The following KIF20B variants were observed in gnomAD, a reference collection of about 807,000 sequenced individuals.
KIF20B encodes kinesin family member 20B.
In KIF20B, 188 loss-of-function variants were observed where a neutral mutation model predicts 232.5. The observed-to-expected ratio is 0.81, with a 90% CI of 0.72 to 0.91. The LOEUF (loss-of-function observed/expected upper bound fraction) is 0.91. Ranked by LOEUF, KIF20B falls within the 40% of genes least tolerant of loss-of-function variation. KIF20B has a pLI of 0.00. For synonymous variants in KIF20B, 712 were observed against 683.0 expected (o/e 1.04, Z -0.66); for missense variants, 2,154 against 2,055.9 (o/e 1.05, Z -0.92).
At chr10:89,759,868 T>C (rs1383394291) in intron 27 of KIF20B, among the ~76,000 whole-genome samples, 1 of 152,156 alleles carries the variant, frequency 6.6e-6, no homozygotes, top group Non-Finnish European at 1.5e-5. Context: ...TACTTGACTT[T>C]TGATTTTGAT....
At chr10:89,738,868 A>AT (rs1841730149) in intron 20 of KIF20B, 90 bp from the exon 21 acceptor site, 19 of 1,402,314 alleles carry the variant, frequency 1.4e-5, no homozygotes, top group South Asian at 5.7e-5. Context: ...GTGAAAAGAT[A>AT]TAATTTTGTA....
At chr10:89,737,239 C>G (rs1037952775) in intron 19 of KIF20B, 148 bp from the exon 20 acceptor site, 7 of 897,416 alleles carry the variant, frequency 7.8e-6, no homozygotes, top group Admixed American at 4.1e-5. Flanking sequence ...CCTGTTTTTT[C>G]TTTTTTTCTC....
chr10:89,729,688 T>C (rs1843276313), intron 18 of KIF20B, among the ~76,000 whole-genome samples: 1 of 152,236 alleles, frequency 6.6e-6, no homozygotes, highest in South Asian at 2.1e-4. Context: ...TTTATATGCT[T>C]AATAGCAAGG....
chr10:89,724,592 C>T (rs1030451649), intron 14 of KIF20B, among the ~76,000 whole-genome samples: 1 of 152,008 alleles, frequency 6.6e-6, no homozygotes, highest in Non-Finnish European at 1.5e-5. Flanking sequence ...AATTTTCTCT[C>T]TTTTTTAAAT....
chr10:89,760,368 G>A (rs879720911), intron 27 of KIF20B, among the ~76,000 whole-genome samples, 158 bp from the exon 28 acceptor site: 6 of 152,166 alleles, frequency 3.9e-5, no homozygotes, highest in Non-Finnish European at 8.8e-5. Context: ...GGTTGAAAGA[G>A]AAATAGGAGG....
At chr10:89,744,076 A>G (rs1841861443) in intron 22 of KIF20B, 149 bp downstream of exon 22, 1 of 610,998 alleles carries the variant, frequency 1.6e-6, no homozygotes, top group Non-Finnish European at 2.6e-6. Flanking sequence ...ATAGGCAAAA[A>G]AGAAAAAAAA....
In KIF20B at chr10:89,717,344, A is replaced by T. The variant is rs545697061; in HGVS notation, c.1053-80A>T. ...GTAGTTATACTAGGGTATAAATAAG[A>T]TTGATTTGAATACTTGTCTCTCCTA... On this transcript the variant is annotated intron_variant, in intron 9 of 32. Coordinates refer to ENST00000371728, the MANE Select transcript of KIF20B (RefSeq NM_001284259.2). 3.8e-4 allele frequency: 327 copies of T among 859,036 alleles called. 4 individuals are homozygous for T. In the African/African-American group the frequency reaches 4.7e-3, roughly 12 times the overall value. The allele number at this position is 859,036 out of a possible 1,614,324, so 53.2% of individuals were successfully genotyped here.
intron 6 of KIF20B, among the ~76,000 whole-genome samples, chr10:89,713,122 G>A (rs1188120369): frequency 2.0e-5 from 3 of 152,134 alleles, no homozygotes; most frequent in Non-Finnish European, 2.9e-5. Flanking sequence ...AACTTTGGGA[G>A]ACTGAAGCAG....
intron 6 of KIF20B, among the ~76,000 whole-genome samples, chr10:89,711,807 TG>T (rs1842842321): frequency 6.6e-6 from 1 of 152,176 alleles, no homozygotes; most frequent in East Asian, 1.9e-4. Context: ...GTCTTTAACT[TG>T]TTTTTTTAAA....
rs1302020036 is a variant in KIF20B at position 89,737,666 on chromosome 10, T to C, written c.2825T>C (p.Ile942Thr). The part of the protein sequence containing the change: ...EVQQIQSNYD[I>T]AIAELHVQKS... ...CAACAAATTCAGTCAAATTATGATATTGCAATTGCTGAATTACATGTGCAG... is the reference window on the plus strand; with the variant it reads ...CAACAAATTCAGTCAAATTATGATACTGCAATTGCTGAATTACATGTGCAG... Residue 942 changes from isoleucine to threonine, a missense_variant, in exon 20 of 33, where the codon ATT becomes ACT. Transcript: ENST00000371728. 3.7e-6 allele frequency: 6 copies of C among 1,612,538 alleles called. No homozygotes were observed. The highest frequency in any genetic ancestry group is 3.3e-5 in the South Asian group (3 of 90,914).
At chr10:89,753,477 T>A (rs1842061541) in intron 25 of KIF20B, among the ~76,000 whole-genome samples, 1 of 152,216 alleles carries the variant, frequency 6.6e-6, no homozygotes, top group Non-Finnish European at 1.5e-5. Flanking sequence ...GAAAAAAGTG[T>A]ATCAACCGTA....
At chr10:89,733,483 A>G (rs1187305485) in intron 19 of KIF20B, among the ~76,000 whole-genome samples, 1 of 152,172 alleles carries the variant, frequency 6.6e-6, no homozygotes, top group African/African-American at 2.4e-5. Context: ...TTCAAGCTGT[A>G]TTTGTGATAC....
At position 89,705,369 on chromosome 10, in the gene KIF20B, T is replaced by G. The variant is rs760863383; in HGVS notation, c.75T>G (p.Pro25=). The G allele has an allele frequency of 1.5e-5, 25 of 1,613,966 alleles. No homozygotes were observed. The highest frequency in any genetic ancestry group is 1.9e-5 in the Non-Finnish European group (23 of 1,179,842). ...TTAGTGCTGACCCAATTGCAAGGCC[T>G]TCAGAAATAAATTTCGATGGCATTA... The part of the protein sequence containing the change: ...YVFSADPIAR[P]SEINFDGIKL... Residue 25 remains proline (P), a synonymous_variant, in exon 2 of 33, where the codon CCT becomes CCG. Coordinates refer to ENST00000371728, the MANE Select transcript of KIF20B (RefSeq NM_001284259.2).
rs747394790 is a variant in KIF20B, at chr10:89,737,521, A to G, written c.2680A>G (p.Ile894Val). ...AGGACTGAGAGCATTTTTACTCACT[A>G]TTGAGAATGAACTTAAAAATGAAAA... ...NEGLRAFLLT[I>V]ENELKNEKEE... is the part of the protein sequence containing the mutation. The change falls in exon 20 of 33, where the codon ATT becomes GTT. Residue 894 changes from isoleucine (I) to valine (V), a missense_variant. Coordinates refer to ENST00000371728, the MANE Select transcript of KIF20B (RefSeq NM_001284259.2). 9.9e-6 allele frequency: 16 copies of G among 1,609,114 alleles called. No homozygotes were observed. Among genetic ancestry groups the G allele is most frequent in the South Asian group, 2.2e-5 (2 of 90,008 alleles).
Position 89,762,644 on chromosome 10 carries a change from T to C in KIF20B, c.4798T>C (p.Ser1600Pro), listed in dbSNP as rs1842267723. The change falls in exon 29 of 33, where the codon TCT becomes CCT. Residue 1600 changes from serine to proline, a missense_variant. Ser to Pro is a moderately conservative substitution (Grantham distance 74). Transcript: ENST00000371728. ...CTTTTACATTCTGTTGTAGGATGGA[T>C]CTGTAGTCCTTGACTCTTGTGAAGT... Reference protein sequence around the residue: ...EISRNKIEDGSVVLDSCEVST... With the variant: ...EISRNKIEDGPVVLDSCEVST... 3 of 1,611,246 alleles carry C rather than the reference T, an allele frequency of 1.9e-6. No individual in the cohort carries two copies. Among genetic ancestry groups the C allele is most frequent in the Non-Finnish European group, 2.5e-6 (3 of 1,177,768 alleles).
chr10:89,713,596 A>G (rs972046664), intron 6 of KIF20B, among the ~76,000 whole-genome samples: 2 of 152,148 alleles, frequency 1.3e-5, no homozygotes, highest in South Asian at 2.1e-4. Flanking sequence ...GTTTATTTCT[A>G]TTTCTAAGGA....
chr10:89,773,312 GGGAA>G, intron 32 of KIF20B, among the ~76,000 whole-genome samples: 1 of 151,928 alleles, frequency 6.6e-6, no homozygotes, highest in Non-Finnish European at 1.5e-5. Flanking sequence ...TGCTGTCACA[GGGAA>G]AGCTCAAATT....
In KIF20B at chr10:89,744,816, G is replaced by A. The variant is rs551616624; in HGVS notation, c.4035+889G>A. ...TAATTCTTAAGGTAATCATAATAAA[G>A]CATTCTATAACAATAGGATTCGAGA... On this transcript the variant is annotated intron_variant, in intron 22 of 32. Coordinates refer to ENST00000371728, the MANE Select transcript of KIF20B (RefSeq NM_001284259.2). Among the ~76,000 whole-genome samples the A allele has an allele frequency of 2.6e-5, 4 of 151,484 alleles. No homozygotes were observed. In the East Asian group the frequency reaches 7.8e-4, roughly 29 times the overall value.
intron 1 of KIF20B, among the ~76,000 whole-genome samples, chr10:89,703,999 C>T (rs1842670258): frequency 6.6e-6 from 1 of 152,174 alleles, no homozygotes; most frequent in Non-Finnish European, 1.5e-5. Context: ...GATCCACCCA[C>T]CTCGGCCTCC....
Sources: gnomAD v4.1 joint callset for allele counts (sites outside exome capture counted in the v4.1 genomes callset) on GRCh38, gnomAD v4.1.1 for gene constraint, MANE v1.5 for transcripts, NCBI Gene and HGNC (gene_info 2026-07-23, HGNC 2026-07-21) for gene names.